ARHGAP15: variants seen among roughly 807,000 people sequenced by gnomAD.
ARHGAP15 encodes the protein rho GTPase-activating protein 15.
In ARHGAP15, 51 loss-of-function variants were observed where a neutral mutation model predicts 63.7. That is an observed-to-expected ratio of 0.80 (90% CI 0.64 to 1.01). ARHGAP15 has a LOEUF of 1.01. Ranked by LOEUF, ARHGAP15 falls within the 50% of genes least tolerant of loss-of-function variation. The pLI is 0.00. For missense variants in ARHGAP15, 560 were observed against 564.6 expected (o/e 0.99, Z 0.08); for synonymous variants, 191 against 193.8 (o/e 0.99, Z 0.12).
intron 13 of ARHGAP15, among the ~76,000 whole-genome samples, chr2:143,735,648 T>A (rs1436703798): frequency 1.3e-5 from 2 of 152,142 alleles, no homozygotes; most frequent in Non-Finnish European, 1.5e-5. Context: ...ATGGCTCTCA[T>A]TAGTCAGGCT....
In ARHGAP15 at chr2:143,516,055, A is replaced by G. The variant is rs1162781164; in HGVS notation, c.827-3211A>G. 3.3e-5 allele frequency among the ~76,000 whole-genome samples: 5 copies of G among 152,152 alleles called. No homozygotes were observed. The East Asian group carries it at 5.8e-4, about 18-fold the overall frequency. On this transcript the variant is annotated intron_variant, in intron 9 of 13. Coordinates refer to ENST00000295095, the MANE Select transcript of ARHGAP15 (RefSeq NM_018460.4). ...GTTATTCAGAGAAGGGAAGCACTCA[A>G]GGCTGATCTGTTGCCCCACCACATG...
At chr2:143,324,122 T>C (rs1252466169) in intron 6 of ARHGAP15, among the ~76,000 whole-genome samples, 2 of 152,124 alleles carry the variant, frequency 1.3e-5, no homozygotes, top group Non-Finnish European at 2.9e-5. Context: ...GTTCAGTCTA[T>C]GGTATTTTGG....
chr2:143,422,441 T>C (rs1284783571), intron 6 of ARHGAP15, among the ~76,000 whole-genome samples: 1 of 152,150 alleles, frequency 6.6e-6, no homozygotes, highest in East Asian at 1.9e-4. Flanking sequence ...TTGGGACAAC[T>C]ACTATGGAAA....
At chr2:143,145,083 G>A (rs902363862) in intron 1 of ARHGAP15, among the ~76,000 whole-genome samples, 1 of 151,996 alleles carries the variant, frequency 6.6e-6, no homozygotes, top group African/African-American at 2.4e-5. Context: ...ATTGACCATT[G>A]AGAATTACTA....
intron 6 of ARHGAP15, among the ~76,000 whole-genome samples, chr2:143,289,230 T>C (rs1377730688): frequency 6.6e-6 from 1 of 152,180 alleles, no homozygotes; most frequent in Non-Finnish European, 1.5e-5. Context: ...CATGACATGA[T>C]GGATCTGGGC....
intron 6 of ARHGAP15, chr2:143,435,371 C>A: frequency 8.8e-7 from 1 of 1,130,124 alleles, no homozygotes; most frequent in Non-Finnish European, 1.1e-6. Flanking sequence ...CCTACTCTGA[C>A]TTAATCGTTC....
chr2:143,765,779 GGT>G (rs1452329938), intron 13 of ARHGAP15, among the ~76,000 whole-genome samples: 1 of 152,074 alleles, frequency 6.6e-6, no homozygotes, highest in African/African-American at 2.4e-5. Context: ...TGCTTCCACA[GGT>G]ACTGGACCCA....
At chr2:143,518,064 C>T (rs1450310309) in intron 9 of ARHGAP15, among the ~76,000 whole-genome samples, 4 of 152,156 alleles carry the variant, frequency 2.6e-5, no homozygotes, top group Non-Finnish European at 4.4e-5. Flanking sequence ...TAAACAGATA[C>T]TATCTCAATA....
At chr2:143,392,537 C>G (rs959390724) in intron 6 of ARHGAP15, among the ~76,000 whole-genome samples, 1 of 152,158 alleles carries the variant, frequency 6.6e-6, no homozygotes, top group Non-Finnish European at 1.5e-5. Flanking sequence ...AATATATCCC[C>G]TTAGCTCACA....
chr2:143,429,844 T>C (rs1259286734), intron 6 of ARHGAP15, among the ~76,000 whole-genome samples: 1 of 152,148 alleles, frequency 6.6e-6, no homozygotes, highest in Non-Finnish European at 1.5e-5. Flanking sequence ...TAAGAAAGTA[T>C]AAAACATTTT....
At chr2:143,536,836 G>C (rs534119056) in intron 10 of ARHGAP15, among the ~76,000 whole-genome samples, 154 of 151,926 alleles carry the variant, frequency 1.0e-3, no homozygotes, top group African/African-American at 3.4e-3. Context: ...ATAAACATAC[G>C]TGTGCATGTG....
At chr2:143,664,101 G>A (rs1416033517) in intron 12 of ARHGAP15, among the ~76,000 whole-genome samples, 3 of 151,980 alleles carry the variant, frequency 2.0e-5, no homozygotes, top group Non-Finnish European at 4.4e-5. Context: ...CAAATCAACA[G>A]AATATACATT....
intron 6 of ARHGAP15, among the ~76,000 whole-genome samples, chr2:143,346,154 GCACA>G (rs558611067): frequency 3.3e-5 from 4 of 119,814 alleles, no homozygotes; most frequent in Admixed American, 9.2e-5. Context: ...GTACAAATGA[GCACA>G]CACACACACA....
At chr2:143,205,146 G>A (rs941021915) in intron 3 of ARHGAP15, among the ~76,000 whole-genome samples, 3 of 151,356 alleles carry the variant, frequency 2.0e-5, no homozygotes, top group Non-Finnish European at 4.4e-5. Flanking sequence ...AATTAGCCAC[G>A]TGTGGTGGCA....
chr2:143,620,158 G>A (rs949155180), intron 11 of ARHGAP15, among the ~76,000 whole-genome samples: 1 of 151,906 alleles, frequency 6.6e-6, no homozygotes, highest in Non-Finnish European at 1.5e-5. Flanking sequence ...TGTTTTTCAG[G>A]TACATTTTCC....
intron 4 of ARHGAP15, among the ~76,000 whole-genome samples, chr2:143,222,257 A>G (rs1693032725): frequency 6.6e-6 from 1 of 152,250 alleles, no homozygotes; most frequent in Non-Finnish European, 1.5e-5. Flanking sequence ...AATCAGGGAC[A>G]TTAGAATAAA....
At chr2:143,342,221 G>A (rs1685089163) in intron 6 of ARHGAP15, among the ~76,000 whole-genome samples, 1 of 151,980 alleles carries the variant, frequency 6.6e-6, no homozygotes. Context: ...GATACTATCT[G>A]GGCTTTTCAT....
intron 8 of ARHGAP15, among the ~76,000 whole-genome samples, chr2:143,444,598 C>A (rs745996836): frequency 6.6e-6 from 1 of 152,042 alleles, no homozygotes; most frequent in Non-Finnish European, 1.5e-5. Context: ...ACGCTACTTT[C>A]CTTCAAAATT....
At chr2:143,395,018 A>G (rs1687698939) in intron 6 of ARHGAP15, among the ~76,000 whole-genome samples, 2 of 152,186 alleles carry the variant, frequency 1.3e-5, no homozygotes, top group African/African-American at 4.8e-5. Context: ...TCTGAAAGAC[A>G]CTGTCTTTCT....
Sources: allele counts gnomAD v4.1 joint callset (sites outside exome capture counted in the v4.1 genomes callset), GRCh38; gene constraint gnomAD v4.1.1; transcripts MANE v1.5; gene names NCBI Gene and HGNC (gene_info 2026-07-23, HGNC 2026-07-21).